The following ACVR2B variants were observed in gnomAD, a reference collection of about 807,000 sequenced individuals.
ACVR2B encodes the protein activin receptor type-2B.
ACVR2B carries 18 observed loss-of-function variants against 65.1 expected under a neutral mutation model. The observed-to-expected ratio is 0.28, with a 90% CI of 0.19 to 0.41. ACVR2B has a LOEUF of 0.41. Among genes scored for constraint, ACVR2B ranks in the 10% least tolerant of loss-of-function variants. The pLI, the probability that ACVR2B is intolerant of heterozygous loss-of-function variation, is 1.00. For synonymous variants in ACVR2B, 298 were observed against 277.7 expected (o/e 1.07, Z -0.73); for missense variants, 482 against 682.7 (o/e 0.71, Z 3.28).
chr3:38,464,267 G>A (rs745685322), intron 1 of ACVR2B, among the ~76,000 whole-genome samples: 1 of 152,230 alleles, frequency 6.6e-6, no homozygotes, highest in Non-Finnish European at 1.5e-5. Flanking sequence ...TGTCTCTGTT[G>A]TTCTTGCTTA....
intron 5 of ACVR2B, 44 bp from the exon 6 acceptor site, chr3:38,479,078 CAGGGCT>C: frequency 6.2e-7 from 1 of 1,611,344 alleles, no homozygotes; most frequent in East Asian, 2.2e-5. Flanking sequence ...GTGACTGCAG[CAGGGCT>C]AAGCCAGCCA....
chr3:38,482,462 G>A lies in ACVR2B; in HGVS notation c.1246G>A (p.Glu416Lys). 6.2e-7 allele frequency: 1 copy of A among 1,612,894 alleles called. No homozygotes were observed. Among genetic ancestry groups the A allele is most frequent in the Non-Finnish European group, 8.5e-7 (1 of 1,179,854 alleles). ...GGATGAGTACATGCTGCCCTTTGAG[G>A]AAGAGATTGGCCAGCACCCTTCGTT... Reference protein sequence around the residue: ...PVDEYMLPFEEEIGQHPSLEE... With the variant: ...PVDEYMLPFEKEIGQHPSLEE... The change falls in exon 10 of 11, where the codon GAA becomes AAA. Residue 416 changes from glutamate (E) to lysine (K), a missense_variant. By Grantham distance (56) the Glu-to-Lys change is moderately conservative. This residue lies in a region of ACVR2B where 223 missense variants were observed against 386.3 expected (regional missense o/e 0.58). Transcript: ENST00000352511.
intron 1 of ACVR2B, chr3:38,474,462 G>C (rs965922129): frequency 1.3e-5 from 2 of 152,358 alleles, no homozygotes; most frequent in African/African-American, 4.8e-5. Flanking sequence ...CTCTAGCCAT[G>C]ATACCTATAC....
At chr3:38,482,992 G>A in intron 10 of ACVR2B, 146 bp from the exon 11 acceptor site, 1 of 902,048 alleles carries the variant, frequency 1.1e-6, no homozygotes, top group Non-Finnish European at 1.8e-6. Flanking sequence ...TTTTCCCCAG[G>A]CCTCTGCTGG....
intron 1 of ACVR2B, among the ~76,000 whole-genome samples, chr3:38,457,377 T>G (rs1263123646): frequency 6.6e-6 from 1 of 152,180 alleles, no homozygotes; most frequent in Non-Finnish European, 1.5e-5. Flanking sequence ...TGCAGAACAT[T>G]TGGTTAGTGG....
In ACVR2B at chr3:38,489,343, G is replaced by A. The variant is rs1301530254; in HGVS notation, c.*6011G>A. On this transcript the variant is annotated 3_prime_UTR_variant, in exon 11 of 11. Transcript: ENST00000352511. ...TTATACCACAGATTATTTTTATAAA[G>A]TTAGTGAATTTGAATGATTTTGTAA... 6.6e-6 allele frequency: 1 copy of A among 152,630 alleles called. No individual in the cohort carries two copies. The highest frequency in any genetic ancestry group is 1.5e-5 in the Non-Finnish European group (1 of 68,040). 9.5% of individuals were successfully genotyped at this position (152,630 alleles called of 1,614,324 possible). A position where few individuals can be genotyped will look rare whatever the true frequency, so the allele number is the denominator to read the frequency against.
In ACVR2B at chr3:38,483,269, T is replaced by C. The variant is rs754288992; in HGVS notation, c.1476T>C (p.Cys492=). The change falls in exon 11 of 11, where the codon TGT becomes TGC. Residue 492 remains cysteine (C), a synonymous_variant. Coordinates refer to ENST00000352511, the MANE Select transcript of ACVR2B (RefSeq NM_001106.4). This position sits in a 1 kb window ranked among gnomAD's most constrained non-coding sequence, Gnocchi z 4.8. The part of the protein sequence containing the change: ...RRSVNGTTSD[C]LVSLVTSVTN... ...CGGTCAACGGCACTACCTCGGACTG[T>C]CTCGTTTCCCTGGTGACCTCTGTCA... The C allele has an allele frequency of 1.2e-6, 2 of 1,613,970 alleles. No individual in the cohort carries two copies. The highest frequency in any genetic ancestry group is 1.7e-6 in the Non-Finnish European group (2 of 1,180,008).
Position 38,485,679 on chromosome 3 carries a change from T to TTA in ACVR2B, c.*2348_*2349insAT. On this transcript the variant is annotated 3_prime_UTR_variant, in exon 11 of 11. Transcript: ENST00000352511. The stretch of plus-strand genomic sequence containing the variant: ...AAGCTATGTTGTCTTTTTTTTTTTT[T>TTA]TTTTTTTTTTTTTTAATGGTTTGAT... The TTA allele has an allele frequency of 6.8e-6, 1 of 147,790 alleles. No individual in the cohort carries two copies. Among genetic ancestry groups the TTA allele is most frequent in the Non-Finnish European group, 1.5e-5 (1 of 67,018 alleles). 9.2% of individuals were successfully genotyped at this position (147,790 alleles called of 1,614,324 possible).
intron 1 of ACVR2B, chr3:38,474,118 G>A (rs1413176176): frequency 6.6e-6 from 1 of 152,396 alleles, no homozygotes; most frequent in Non-Finnish European, 1.5e-5. Context: ...CTGACCTCAG[G>A]TGATCTGCCC....
rs982823496 is a variant in ACVR2B, at chr3:38,489,247, A to G, written c.*5915A>G. 6.5e-6 allele frequency: 1 copy of G among 152,684 alleles called. No individual in the cohort carries two copies. The highest frequency in any genetic ancestry group is 1.5e-5 in the Non-Finnish European group (1 of 68,042). The allele number at this position is 152,684 out of a possible 1,614,324, so 9.5% of individuals were successfully genotyped here. ...AACACTTGAAACTTTACTTTAAAAAAATCGATAGTTCTACATATATATTTA... is the reference window on the plus strand; with the variant it reads ...AACACTTGAAACTTTACTTTAAAAAGATCGATAGTTCTACATATATATTTA... On this transcript the variant is annotated 3_prime_UTR_variant, in exon 11 of 11. Transcript: ENST00000352511.
At chr3:38,470,098 G>A (rs1709794820) in intron 1 of ACVR2B, among the ~76,000 whole-genome samples, 1 of 152,178 alleles carries the variant, frequency 6.6e-6, no homozygotes, top group South Asian at 2.1e-4. Context: ...GGAGGGTTAA[G>A]AGACTGGGCA....
Position 38,454,308 on chromosome 3 carries a change from G to A in ACVR2B, c.-15G>A. The stretch of plus-strand genomic sequence containing the variant: ...CCCGCGGGCTCCGGGTGTGCGCGGG[G>A]CGGCGCCGCGGAACATGACGGCGCC... On this transcript the variant is annotated 5_prime_UTR_variant, in exon 1 of 11. Coordinates refer to ENST00000352511, the MANE Select transcript of ACVR2B (RefSeq NM_001106.4). 7.8e-7 allele frequency: 1 copy of A among 1,281,668 alleles called. No individual in the cohort carries two copies. Among genetic ancestry groups the A allele is most frequent in the Non-Finnish European group, 9.9e-7 (1 of 1,014,612 alleles). 79.4% of individuals were successfully genotyped at this position (1,281,668 alleles called of 1,614,324 possible). A position where few individuals can be genotyped will look rare whatever the true frequency, so the allele number is the denominator to read the frequency against.
At chr3:38,469,263 T>A (rs1016407663) in intron 1 of ACVR2B, among the ~76,000 whole-genome samples, 1 of 152,218 alleles carries the variant, frequency 6.6e-6, no homozygotes, top group Non-Finnish European at 1.5e-5. Flanking sequence ...AAGAAGGAGC[T>A]GGAAACTAGA....
Position 38,477,155 on chromosome 3 carries a change from A to G in ACVR2B, c.53-132A>G, listed in dbSNP as rs1709925750. The G allele has an allele frequency of 1.9e-5, 18 of 934,140 alleles. No individual in the cohort carries two copies. In the South Asian group the frequency reaches 2.7e-4, roughly 14 times the overall value. The allele number at this position is 934,140 out of a possible 1,614,324, so 57.9% of individuals were successfully genotyped here. On this transcript the variant is annotated intron_variant, in intron 1 of 10. Coordinates refer to ENST00000352511, the MANE Select transcript of ACVR2B (RefSeq NM_001106.4). The surrounding 1 kb of genome is among the most constrained non-coding windows in gnomAD (Gnocchi z 6.7). ...GTGGCCTACGTCCAGGGGTGAGTGC[A>G]GGAGGTTGGTGACCCCAACCCACCA...
Position 38,487,304 on chromosome 3 carries a change from A to T in ACVR2B, c.*3972A>T, listed in dbSNP as rs1291005415. 1.3e-5 allele frequency: 2 copies of T among 152,226 alleles called. No individual in the cohort carries two copies. The highest frequency in any genetic ancestry group is 4.8e-5 in the African/African-American group (2 of 41,454). The allele number at this position is 152,226 out of a possible 1,614,324, so 9.4% of individuals were successfully genotyped here. A position where few individuals can be genotyped will look rare whatever the true frequency, so the allele number is the denominator to read the frequency against. ...CAGGAGGATAGAGACTCTTGCTCAC[A>T]TATTCTTAGCAAAGGGAAGGGTCTC... On this transcript the variant is annotated 3_prime_UTR_variant, in exon 11 of 11. Transcript: ENST00000352511.
chr3:38,491,482 G>T lies in ACVR2B; in HGVS notation c.*8150G>T, dbSNP rs928719007. 2 of 152,654 alleles carry T rather than the reference G, an allele frequency of 1.3e-5. No homozygotes were observed. The highest frequency in any genetic ancestry group is 2.9e-5 in the Non-Finnish European group (2 of 68,044). 9.5% of individuals were successfully genotyped at this position (152,654 alleles called of 1,614,324 possible). The stretch of plus-strand genomic sequence containing the variant: ...TCAGTCCCTGCAAGTGCTTTAGCCC[G>T]AGTGGGGTTTTCTCAGAGCACTGCC... On this transcript the variant is annotated 3_prime_UTR_variant, in exon 11 of 11. Coordinates refer to ENST00000352511, the MANE Select transcript of ACVR2B (RefSeq NM_001106.4).
intron 1 of ACVR2B, among the ~76,000 whole-genome samples, chr3:38,458,925 G>A (rs985958454): frequency 3.3e-5 from 5 of 152,144 alleles, no homozygotes; most frequent in Non-Finnish European, 7.4e-5. Context: ...GCTGTTCTGT[G>A]CATTGTAGGA....
intron 1 of ACVR2B, among the ~76,000 whole-genome samples, chr3:38,470,944 A>T (rs1265057047): frequency 6.6e-6 from 1 of 152,252 alleles, no homozygotes; most frequent in Non-Finnish European, 1.5e-5. Context: ...GTAATCATAT[A>T]TATAAACATA....
intron 1 of ACVR2B, among the ~76,000 whole-genome samples, chr3:38,457,867 G>A (rs1709576690): frequency 6.6e-6 from 1 of 152,286 alleles, no homozygotes; most frequent in African/African-American, 2.4e-5. Context: ...GCCTAGTGTA[G>A]CGGTAGCTGC....
Sources: gnomAD v4.1 joint callset for allele counts (sites outside exome capture counted in the v4.1 genomes callset) on GRCh38, gnomAD v4.1.1 for gene constraint, gnomAD v4.1.1 regional missense constraint, Gnocchi (gnomAD v3.1) non-coding constraint, MANE v1.5 for transcripts, NCBI Gene and HGNC (gene_info 2026-07-23, HGNC 2026-07-21) for gene names.